The following CSPP1 variants were observed in gnomAD, a reference collection of about 807,000 sequenced individuals.
The protein encoded by CSPP1 is centrosome and spindle pole associated protein 1.
Under a neutral mutation model 164.4 loss-of-function variants are expected in CSPP1, and 126 were observed. The observed-to-expected ratio is 0.77, with a 90% confidence interval of 0.66 to 0.89. The LOEUF (loss-of-function observed/expected upper bound fraction) is 0.89, where lower values mean the gene tolerates loss of function less well. CSPP1 is among the 40% of genes least tolerant of loss of function. The pLI is 0.00. For synonymous variants in CSPP1, 472 were observed against 476.7 expected (o/e 0.99, Z 0.13); for missense variants, 1,395 against 1,449.8 (o/e 0.96, Z 0.61).
chr8:67,146,129 T>C (rs1586499604), intron 17 of CSPP1, among the ~76,000 whole-genome samples: 1 of 150,344 alleles, frequency 6.7e-6, no homozygotes, highest in African/African-American at 2.4e-5. Context: ...TTTCTTTTTT[T>C]TTTTTTTTTT....
At chr8:67,161,386 A>G (rs1327865324) in intron 21 of CSPP1, among the ~76,000 whole-genome samples, 2 of 152,182 alleles carry the variant, frequency 1.3e-5, no homozygotes, top group Admixed American at 6.5e-5. Context: ...TCCCTCATCC[A>G]TGATGCTGTT....
intron 1 of CSPP1, among the ~76,000 whole-genome samples, chr8:67,065,326 G>C (rs1805316870): frequency 6.6e-6 from 1 of 152,106 alleles, no homozygotes; most frequent in African/African-American, 2.4e-5. Context: ...TTTTGAGAGA[G>C]GCTAGCTCTC....
chr8:67,118,252 G>A lies in CSPP1; in HGVS notation c.1501G>A (p.Ala501Thr), dbSNP rs533227813. 1.4e-5 allele frequency: 23 copies of A among 1,613,204 alleles called. No individual in the cohort carries two copies. The Admixed American group carries it at 2.0e-4, about 14-fold the overall frequency. The change falls in exon 14 of 31, where the codon GCA becomes ACA. Residue 501 changes from alanine to threonine, a missense_variant. Ala to Thr is a moderately conservative substitution (Grantham distance 58). Coordinates refer to ENST00000678616, the MANE Select transcript of CSPP1 (RefSeq NM_001382391.1). Reference sequence around the variant, plus strand: ...TTCATCTTTCTTTTCATACAGGATTGCACCTCTGCCTCCACCTCCCCTACT... The same window carrying A: ...TTCATCTTTCTTTTCATACAGGATTACACCTCTGCCTCCACCTCCCCTACT... ...ALGEMVSPRIAPLPPPPLLPP... is the reference protein window; with the variant it reads ...ALGEMVSPRITPLPPPPLLPP...
intron 28 of CSPP1, among the ~76,000 whole-genome samples, chr8:67,189,412 T>A (rs985128921): frequency 3.9e-5 from 6 of 152,090 alleles, no homozygotes; most frequent in African/African-American, 1.4e-4. Context: ...ATCCAGACAA[T>A]GCAATATTTT....
intron 27 of CSPP1, among the ~76,000 whole-genome samples, chr8:67,178,747 G>A (rs1248128517): frequency 6.6e-6 from 1 of 152,206 alleles, no homozygotes; most frequent in Non-Finnish European, 1.5e-5. Context: ...GTGCATGTAA[G>A]GAGCAGTGGG....
intron 24 of CSPP1, among the ~76,000 whole-genome samples, chr8:67,170,264 G>A (rs1391775685): frequency 1.3e-5 from 2 of 149,420 alleles, no homozygotes; most frequent in African/African-American, 5.0e-5. Context: ...GACCAACGTG[G>A]CAAAATCCTG....
chr8:67,114,645 C>A (rs1322616891), intron 12 of CSPP1: 1 of 152,024 alleles, frequency 6.6e-6, no homozygotes, highest in Non-Finnish European at 1.5e-5. Context: ...TCTGGGTTAA[C>A]CTGATAAATC....
chr8:67,071,186 A>G (rs1404150742), intron 1 of CSPP1, among the ~76,000 whole-genome samples: 8 of 152,204 alleles, frequency 5.3e-5, no homozygotes, highest in Admixed American at 5.2e-4. Flanking sequence ...AATGATATAT[A>G]TATATATTTT....
intron 21 of CSPP1, among the ~76,000 whole-genome samples, chr8:67,159,526 T>C (rs1312708359): frequency 7.5e-6 from 1 of 132,716 alleles, no homozygotes. Context: ...TTTTTTTTTT[T>C]TTTTTTTTTT....
intron 6 of CSPP1, 58 bp downstream of exon 6, chr8:67,093,699 T>C (rs1563534832): frequency 1.0e-6 from 1 of 977,432 alleles, no homozygotes; most frequent in African/African-American, 1.7e-5. Flanking sequence ...GAATATTTTG[T>C]ACTTGAAAAG....
chr8:67,167,254 G>C (rs1438131441), intron 24 of CSPP1, among the ~76,000 whole-genome samples: 1 of 152,194 alleles, frequency 6.6e-6, no homozygotes, highest in African/African-American at 2.4e-5. Context: ...TCCCAGACGG[G>C]GTGGCGGCTG....
At position 67,149,945 on chromosome 8, in the gene CSPP1, C is replaced by CA; in HGVS notation, c.2128+11dup. On this transcript the variant is annotated intron_variant, in intron 18 of 30. Coordinates refer to ENST00000678616, the MANE Select transcript of CSPP1 (RefSeq NM_001382391.1). ...GCAAATAAAAGCTCAGGTTTTTAAT[C>CA]ACTTTTTTTTTTTTTTTTTTTTTTT... 1 of 1,109,880 alleles carries CA rather than the reference C, an allele frequency of 9.0e-7. No homozygotes were observed. Among genetic ancestry groups the CA allele is most frequent in the Non-Finnish European group, 1.2e-6 (1 of 827,522 alleles). The allele number at this position is 1,109,880 out of a possible 1,614,324, so 68.8% of individuals were successfully genotyped here.
chr8:67,077,723 C>T (rs1033288330), intron 3 of CSPP1, among the ~76,000 whole-genome samples: 1 of 152,184 alleles, frequency 6.6e-6, no homozygotes, highest in Non-Finnish European at 1.5e-5. Flanking sequence ...ATGATAAGTT[C>T]ATTTGATTAA....
At chr8:67,193,791 C>CT (rs1416280289) in intron 30 of CSPP1, among the ~76,000 whole-genome samples, 189 bp downstream of exon 30, 1 of 152,218 alleles carries the variant, frequency 6.6e-6, no homozygotes, top group Non-Finnish European at 1.5e-5. Flanking sequence ...CAGATTTTCT[C>CT]TATCAGAGAG....
At chr8:67,153,984 A>G (rs759022008) in intron 18 of CSPP1, 40 bp from the exon 19 acceptor site, 3 of 864,800 alleles carry the variant, frequency 3.5e-6, no homozygotes, top group Admixed American at 1.9e-5. Context: ...TTTTCTAAGC[A>G]TTGGCTAATA....
chr8:67,129,525 A>G (rs562472309), intron 15 of CSPP1, among the ~76,000 whole-genome samples: 23 of 152,350 alleles, frequency 1.5e-4, no homozygotes, highest in African/African-American at 5.1e-4. Flanking sequence ...ATCAAAAGAA[A>G]TAAAAATAAC....
rs755593188 is a variant in CSPP1 at position 67,154,028 on chromosome 8, T to C, written c.2133T>C (p.His711=). Residue 711 remains histidine (H), a synonymous_variant, in exon 19 of 31, where the codon CAT becomes CAC. Coordinates refer to ENST00000678616, the MANE Select transcript of CSPP1 (RefSeq NM_001382391.1). Reference sequence around the variant, plus strand: ...TTGCAAAATATTTCTTTCAAGGTCATATGCAAACACAGAGCTCTCCTTTTG... The same window carrying C: ...TTGCAAAATATTTCTTTCAAGGTCACATGCAAACACAGAGCTCTCCTTTTG... ...LEDAANKSSG[H]MQTQSSPFAR... 5.3e-5 allele frequency: 83 copies of C among 1,559,098 alleles called. No homozygotes were observed. The highest frequency in any genetic ancestry group is 6.9e-5 in the Non-Finnish European group (78 of 1,132,050).
At chr8:67,072,331 A>G (rs1806984200) in intron 1 of CSPP1, among the ~76,000 whole-genome samples, 1 of 152,138 alleles carries the variant, frequency 6.6e-6, no homozygotes, top group South Asian at 2.1e-4. Flanking sequence ...AAAAAGTACA[A>G]ACAAATTTAA....
chr8:67,093,673 A>G (rs1328633271), intron 6 of CSPP1, 32 bp downstream of exon 6: 11 of 1,128,714 alleles, frequency 9.7e-6, no homozygotes, highest in Non-Finnish European at 1.3e-5. Context: ...AATCTGTACT[A>G]CTACTACCAC....
Sources: allele counts gnomAD v4.1 joint callset (sites outside exome capture counted in the v4.1 genomes callset), GRCh38; gene constraint gnomAD v4.1.1; transcripts MANE v1.5; gene names NCBI Gene and HGNC (gene_info 2026-07-23, HGNC 2026-07-21).